Variants in KHDRBS2 observed in about 807,000 individuals in gnomAD.
KHDRBS2 encodes KH domain-containing, RNA-binding, signal transduction-associated protein 2.
KHDRBS2 carries 26 observed loss-of-function variants against 44.3 expected under a neutral mutation model. The ratio of observed to expected loss-of-function variants is 0.59; its 90% confidence interval spans 0.43 to 0.81. The LOEUF (loss-of-function observed/expected upper bound fraction) is 0.81, where lower values mean the gene tolerates loss of function less well. KHDRBS2 is among the 40% of genes least tolerant of loss of function. The pLI is 0.00. For synonymous variants in KHDRBS2, 194 were observed against 151.1 expected (o/e 1.28, Z -2.08); for missense variants, 476 against 433.1 (o/e 1.10, Z -0.88).
chr6:61,571,652 A>G, the KHDRBS2 span, among the ~76,000 whole-genome samples: 3 of 152,156 alleles, frequency 2.0e-5, no homozygotes, highest in Non-Finnish European at 2.9e-5. Context: ...AAGATACACC[A>G]TATAATAGGT....
intron 1 of KHDRBS2, among the ~76,000 whole-genome samples, chr6:62,242,850 C>T (rs977388909): frequency 7.9e-5 from 12 of 152,168 alleles, no homozygotes; most frequent in Non-Finnish European, 1.8e-4. Context: ...AAAATCCAAT[C>T]CAAATCTGGC....
chr6:61,550,850 G>A, the KHDRBS2 span, among the ~76,000 whole-genome samples: 1 of 142,430 alleles, frequency 7.0e-6, no homozygotes, highest in Non-Finnish European at 1.5e-5. Context: ...TCGGCTCACT[G>A]CAGCCTCCAC....
intron 7 of KHDRBS2, among the ~76,000 whole-genome samples, chr6:61,709,394 T>C (rs548299183): frequency 5.9e-5 from 9 of 151,774 alleles, no homozygotes; most frequent in African/African-American, 2.2e-4. Flanking sequence ...TGTAGAATTA[T>C]GATCAGCTTT....
At chr6:61,988,480 AG>A (rs1252689242) in intron 3 of KHDRBS2, among the ~76,000 whole-genome samples, 1 of 152,156 alleles carries the variant, frequency 6.6e-6, no homozygotes, top group Non-Finnish European at 1.5e-5. Context: ...GGGCTTTCTT[AG>A]GGTTCAGTAG....
At chr6:61,568,790 C>T in the KHDRBS2 span, among the ~76,000 whole-genome samples, 3 of 152,200 alleles carry the variant, frequency 2.0e-5, no homozygotes, top group African/African-American at 4.8e-5. Flanking sequence ...GGGAAGCCAT[C>T]CCTGACTATC....
chr6:62,060,639 A>C (rs1447789953), intron 2 of KHDRBS2, among the ~76,000 whole-genome samples: 3 of 151,008 alleles, frequency 2.0e-5, no homozygotes, highest in African/African-American at 7.3e-5. Context: ...CTCTCTATAT[A>C]TATATATATG....
rs1156896737 is a variant in KHDRBS2, at chr6:62,026,435, ATTATTT to A, written c.336+21437_336+21442del. ...TATTTTATTTATTATTATTATTATT[ATTATTT>A]TTTTTTTTGGAGAAAAGGTCTCATT... On this transcript the variant is annotated intron_variant, in intron 3 of 8. Coordinates refer to ENST00000281156, the MANE Select transcript of KHDRBS2 (RefSeq NM_152688.4). 4.3e-5 allele frequency among the ~76,000 whole-genome samples: 6 copies of A among 140,302 alleles called. No homozygotes were observed. In the South Asian group the frequency reaches 9.1e-4, roughly 21 times the overall value. 92.0% of individuals were successfully genotyped at this position (140,302 alleles called of 152,430 possible). A position where few individuals can be genotyped will look rare whatever the true frequency, so the allele number is the denominator to read the frequency against.
intron 2 of KHDRBS2, among the ~76,000 whole-genome samples, chr6:62,176,379 T>G (rs1418006257): frequency 6.6e-6 from 1 of 151,390 alleles, no homozygotes; most frequent in African/African-American, 2.4e-5. Flanking sequence ...TAGTTAATTA[T>G]ATTTACTAAA....
At chr6:62,057,012 G>A (rs1370317197) in intron 2 of KHDRBS2, among the ~76,000 whole-genome samples, 2 of 151,890 alleles carry the variant, frequency 1.3e-5, no homozygotes, top group East Asian at 3.9e-4. Context: ...TACACACTCT[G>A]TTAAAATAGA....
At chr6:61,989,477 T>C (rs754520107) in intron 3 of KHDRBS2, among the ~76,000 whole-genome samples, 21 of 152,190 alleles carry the variant, frequency 1.4e-4, no homozygotes, top group Non-Finnish European at 2.2e-4. Flanking sequence ...GTTTGACAAA[T>C]GGTGCTGTCA....
intron 6 of KHDRBS2, among the ~76,000 whole-genome samples, chr6:61,759,346 G>C (rs2127571926): frequency 6.6e-6 from 1 of 152,038 alleles, no homozygotes; most frequent in South Asian, 2.1e-4. Flanking sequence ...GATCCTTTAT[G>C]TGCTTCTTAA....
intron 6 of KHDRBS2, among the ~76,000 whole-genome samples, chr6:61,869,017 T>G (rs1798206407): frequency 6.6e-6 from 1 of 152,166 alleles, no homozygotes; most frequent in Admixed American, 6.5e-5. Flanking sequence ...CAAGGATCCA[T>G]GGGAGAAGCT....
At chr6:61,819,199 T>C (rs1789481412) in intron 6 of KHDRBS2, among the ~76,000 whole-genome samples, 1 of 151,998 alleles carries the variant, frequency 6.6e-6, no homozygotes, top group Non-Finnish European at 1.5e-5. Context: ...ATTTCATTCA[T>C]ACAAATCAAT....
intron 3 of KHDRBS2, among the ~76,000 whole-genome samples, chr6:62,046,184 C>T (rs1336407916): frequency 6.6e-6 from 1 of 151,840 alleles, no homozygotes. Flanking sequence ...TTAATAGAAG[C>T]AAATTTGTTT....
chr6:61,795,897 C>A (rs1045104639), intron 6 of KHDRBS2, among the ~76,000 whole-genome samples: 1 of 151,710 alleles, frequency 6.6e-6, no homozygotes, highest in African/African-American at 2.4e-5. Context: ...TTAGGATTCT[C>A]CAAAGTTAGG....
chr6:61,668,712 G>T, the KHDRBS2 span, among the ~76,000 whole-genome samples: 1 of 150,880 alleles, frequency 6.6e-6, no homozygotes, highest in Non-Finnish European at 1.5e-5. Flanking sequence ...ACTTCTAATG[G>T]ATATCAGCTT....
At chr6:61,737,150 A>G (rs1364702998) in intron 6 of KHDRBS2, among the ~76,000 whole-genome samples, 1 of 152,136 alleles carries the variant, frequency 6.6e-6, no homozygotes, top group African/African-American at 2.4e-5. Context: ...ATCTCTATTT[A>G]TGAAGAATAT....
intron 6 of KHDRBS2, among the ~76,000 whole-genome samples, chr6:61,848,562 T>A (rs186792023): frequency 3.2e-5 from 1 of 31,566 alleles, no homozygotes; most frequent in African/African-American, 1.6e-4. Flanking sequence ...CATATATATA[T>A]GTATATATAT....
the KHDRBS2 span, among the ~76,000 whole-genome samples, chr6:61,587,734 GT>G: frequency 1.3e-5 from 2 of 152,038 alleles, no homozygotes; most frequent in South Asian, 4.1e-4. Context: ...TCAGAATGTC[GT>G]TGGTTACAGA....
Sources: allele counts gnomAD v4.1 joint callset (sites outside exome capture counted in the v4.1 genomes callset), GRCh38; gene constraint gnomAD v4.1.1; transcripts MANE v1.5; gene names NCBI Gene and HGNC (gene_info 2026-07-23, HGNC 2026-07-21).